The following SCAPER variants were observed in gnomAD, a reference collection of about 807,000 sequenced individuals.
SCAPER encodes the protein S phase cyclin A-associated protein in the endoplasmic reticulum.
SCAPER carries 98 observed loss-of-function variants against 182.2 expected under a neutral mutation model. The observed-to-expected ratio is 0.54, with a 90% CI of 0.46 to 0.64. SCAPER has a LOEUF of 0.64. SCAPER is among the 30% of genes least tolerant of loss of function. The pLI is 0.00. For missense variants in SCAPER, 1,432 were observed against 1,690.0 expected, an observed-to-expected ratio of 0.85 and a Z score of 2.68; for synonymous variants, 605 against 564.6, an observed-to-expected ratio of 1.07 and a Z score of -1.01.
intron 21 of SCAPER, among the ~76,000 whole-genome samples, chr15:76,627,469 T>C (rs924671113): frequency 2.0e-5 from 3 of 152,034 alleles, no homozygotes; most frequent in East Asian, 1.9e-4. Context: ...ACAGGCCCCA[T>C]TGTGTGTTGT....
At chr15:76,873,344 AGGCAGGCAGGCAGGCAGGCAGGCAGGC>A in intron 2 of SCAPER, among the ~76,000 whole-genome samples, 1 of 72,346 alleles carries the variant, frequency 1.4e-5, no homozygotes, top group African/African-American at 4.9e-5. Context: ...GCAGGCAGGC[AGGCAGGCAGGCAGGCAGGCAGGCAGGC>A]AGGCAGGCAG....
chr15:76,550,096 T>C (rs2144921965), intron 23 of SCAPER, among the ~76,000 whole-genome samples: 1 of 152,188 alleles, frequency 6.6e-6, no homozygotes, highest in Non-Finnish European at 1.5e-5. Context: ...GGAACTCAAA[T>C]AACCCAACAG....
At chr15:76,553,786 A>G (rs2045970239) in intron 23 of SCAPER, among the ~76,000 whole-genome samples, 1 of 152,146 alleles carries the variant, frequency 6.6e-6, no homozygotes, top group Admixed American at 6.5e-5. Context: ...ACTACAGTCA[A>G]ACTCAAAGAT....
chr15:76,585,368 T>A (rs2048567658), intron 22 of SCAPER, among the ~76,000 whole-genome samples: 1 of 152,134 alleles, frequency 6.6e-6, no homozygotes, highest in East Asian at 1.9e-4. Context: ...ATACTTCTTT[T>A]ACCTTCCAAT....
intron 2 of SCAPER, among the ~76,000 whole-genome samples, chr15:76,881,151 A>G (rs993792915): frequency 6.6e-6 from 1 of 152,210 alleles, no homozygotes; most frequent in African/African-American, 2.4e-5. Flanking sequence ...GCTAGAGTGT[A>G]GTGATATGAT....
At chr15:76,796,197 T>C (rs901138844) in intron 7 of SCAPER, among the ~76,000 whole-genome samples, 1 of 152,204 alleles carries the variant, frequency 6.6e-6, no homozygotes, top group African/African-American at 2.4e-5. Flanking sequence ...ACATCTAAAT[T>C]TGGTTCCTTT....
At chr15:76,758,320 A>T (rs1042178048) in intron 14 of SCAPER, among the ~76,000 whole-genome samples, 2 of 152,168 alleles carry the variant, frequency 1.3e-5, no homozygotes, top group African/African-American at 4.8e-5. Flanking sequence ...CAGTATTCCC[A>T]ATACCCTTTG....
chr15:76,883,694 T>G lies in SCAPER; in HGVS notation c.6+118A>C, dbSNP rs997726726. On this transcript the variant is annotated intron_variant, in intron 2 of 31. Transcript: ENST00000563290. Reference sequence around the variant, plus strand: ...CTGCTCACTTTATCACTGTGCTTTATGACAATGTGTTCCATAGGGTATCTT... The same window carrying G: ...CTGCTCACTTTATCACTGTGCTTTAGGACAATGTGTTCCATAGGGTATCTT... The G allele has an allele frequency of 4.7e-6, 4 of 854,624 alleles. No individual in the cohort carries two copies. In the African/African-American group the frequency reaches 7.2e-5, roughly 15 times the overall value. 52.9% of individuals were successfully genotyped at this position (854,624 alleles called of 1,614,324 possible).
At chr15:76,406,392 C>T (rs150020207) in intron 26 of SCAPER, among the ~76,000 whole-genome samples, 105 of 151,962 alleles carry the variant, frequency 6.9e-4, no homozygotes, top group Non-Finnish European at 1.3e-3. Context: ...GCAGGAGAAT[C>T]GCTTGAACCC....
At position 76,596,108 on chromosome 15, in the gene SCAPER, A is replaced by G. The variant is rs1239397296; in HGVS notation, c.2712-21824T>C. On this transcript the variant is annotated intron_variant, in intron 22 of 31. Coordinates refer to ENST00000563290, the MANE Select transcript of SCAPER (RefSeq NM_020843.4). ...AGAGAAGAATCAAATAGGCACAATA[A>G]ACAATGACAAAGAAAAGATCACCAC... is the stretch of plus-strand genomic sequence containing the variant. Among the ~76,000 whole-genome samples, 3 of 121,062 alleles carry G rather than the reference A, an allele frequency of 2.5e-5. 1 individual carries two copies. Among genetic ancestry groups the G allele is most frequent in the Non-Finnish European group, 6.0e-5 (3 of 49,932 alleles). The allele number at this position is 121,062 out of a possible 152,430, so 79.4% of individuals were successfully genotyped here. A position where few individuals can be genotyped will look rare whatever the true frequency, so the allele number is the denominator to read the frequency against.
At chr15:76,891,975 C>CAGAT (rs2074191901) in intron 1 of SCAPER, among the ~76,000 whole-genome samples, 1 of 152,182 alleles carries the variant, frequency 6.6e-6, no homozygotes, top group Non-Finnish European at 1.5e-5. Context: ...GGTACCAAAA[C>CAGAT]AGATACATAG....
chr15:76,444,419 A>G (rs2047849671), intron 25 of SCAPER, among the ~76,000 whole-genome samples: 1 of 152,284 alleles, frequency 6.6e-6, no homozygotes, highest in African/African-American at 2.4e-5. Context: ...TTTTATGTTC[A>G]TTATGTAATT....
chr15:76,774,082 A>G (rs1598644135), intron 9 of SCAPER, among the ~76,000 whole-genome samples: 1 of 151,984 alleles, frequency 6.6e-6, no homozygotes, highest in Non-Finnish European at 1.5e-5. Flanking sequence ...AGTAAGTAGA[A>G]TAAGTTCAAA....
intron 26 of SCAPER, among the ~76,000 whole-genome samples, chr15:76,419,410 A>G (rs2948703): frequency 0.1 from 15,341 of 152,010 alleles, 911 homozygotes; most frequent in African/African-American, 0.17. Context: ...CTAAATATTT[A>G]AAGAACTAAA....
At chr15:76,549,839 G>T (rs567412809) in intron 23 of SCAPER, among the ~76,000 whole-genome samples, 1 of 152,136 alleles carries the variant, frequency 6.6e-6, no homozygotes, top group African/African-American at 2.4e-5. Context: ...TTAAATATAA[G>T]ATCTGAAACT....
At chr15:76,552,669 C>A (rs1351298658) in intron 23 of SCAPER, among the ~76,000 whole-genome samples, 1 of 152,168 alleles carries the variant, frequency 6.6e-6, no homozygotes, top group Non-Finnish European at 1.5e-5. Flanking sequence ...GAGCAGGACT[C>A]CAGCCCATAC....
At chr15:76,658,714 A>C (rs549266531) in intron 21 of SCAPER, among the ~76,000 whole-genome samples, 18 of 152,304 alleles carry the variant, frequency 1.2e-4, no homozygotes, top group African/African-American at 4.3e-4. Context: ...ACTGGTATAA[A>C]AACAGAAACA....
At chr15:76,735,569 G>T (rs1219052361) in intron 15 of SCAPER, among the ~76,000 whole-genome samples, 1 of 151,708 alleles carries the variant, frequency 6.6e-6, no homozygotes, top group East Asian at 1.9e-4. Context: ...GGGCGTGGCA[G>T]CATGCCCCTG....
intron 15 of SCAPER, among the ~76,000 whole-genome samples, chr15:76,752,853 A>G (rs1036643829): frequency 2.0e-5 from 3 of 151,718 alleles, no homozygotes; most frequent in African/African-American, 7.3e-5. Context: ...TGTATACTTA[A>G]CAATGATTCA....
Sources: allele counts gnomAD v4.1 joint callset (sites outside exome capture counted in the v4.1 genomes callset), GRCh38; gene constraint gnomAD v4.1.1; transcripts MANE v1.5; gene names NCBI Gene and HGNC (gene_info 2026-07-23, HGNC 2026-07-21).